Variants in POU2F3 observed in about 807,000 individuals in gnomAD.
POU2F3 encodes POU class 2 homeobox 3.
In POU2F3, 23 loss-of-function variants were observed where a neutral mutation model predicts 59.2. The ratio of observed to expected loss-of-function variants is 0.39; its 90% CI spans 0.28 to 0.55. The LOEUF (loss-of-function observed/expected upper bound fraction) is 0.55, where lower values mean the gene tolerates loss of function less well. POU2F3 is among the 20% of genes least tolerant of loss of function. The probability of loss-of-function intolerance (pLI) is 0.66; values close to 1 mark genes in which losing one functional copy is unlikely to be tolerated. For missense variants in POU2F3, 473 were observed against 544.5 expected (o/e 0.87, Z 1.31); for synonymous variants, 190 against 214.6 (o/e 0.89, Z 1.00).
intron 10 of POU2F3, among the ~76,000 whole-genome samples, chr11:120,310,984 TA>T (rs1352564751): frequency 6.6e-6 from 1 of 152,084 alleles, no homozygotes; most frequent in Non-Finnish European, 1.5e-5. Flanking sequence ...CCCGAGGAGA[TA>T]ATTAATACCT....
chr11:120,315,302 G>C, intron 10 of POU2F3, 59 bp from the exon 11 acceptor site: 1 of 1,469,908 alleles, frequency 6.8e-7, no homozygotes, highest in Non-Finnish European at 9.5e-7. Flanking sequence ...TTTGGAGAGT[G>C]ATCTGAAGTT....
At chr11:120,255,415 A>T in intron 2 of POU2F3, among the ~76,000 whole-genome samples, 1 of 151,980 alleles carries the variant, frequency 6.6e-6, no homozygotes, top group Non-Finnish European at 1.5e-5. Context: ...TGCTATGACG[A>T]TGGGGTCTCG....
At chr11:120,291,885 T>C (rs1421905772) in intron 3 of POU2F3, among the ~76,000 whole-genome samples, 1 of 151,894 alleles carries the variant, frequency 6.6e-6, no homozygotes, top group Admixed American at 6.6e-5. Context: ...CTTGGCTTAC[T>C]GCAAGCTCCA....
intron 3 of POU2F3, among the ~76,000 whole-genome samples, chr11:120,273,639 G>A (rs1940174335): frequency 6.6e-6 from 1 of 152,142 alleles, no homozygotes; most frequent in Non-Finnish European, 1.5e-5. Flanking sequence ...GGGAAGGGAG[G>A]ATGAGTGATG....
intron 2 of POU2F3, among the ~76,000 whole-genome samples, chr11:120,254,467 G>C (rs1041431662): frequency 2.6e-5 from 4 of 152,120 alleles, no homozygotes; most frequent in Admixed American, 2.6e-4. Context: ...GTTGGAGTTT[G>C]GGGCCAGCAT....
At chr11:120,275,797 T>G (rs1351318145) in intron 3 of POU2F3, among the ~76,000 whole-genome samples, 1 of 152,224 alleles carries the variant, frequency 6.6e-6, no homozygotes, top group African/African-American at 2.4e-5. Flanking sequence ...TGCCTGTTTC[T>G]GGACACCTGC....
chr11:120,297,961 A>G (rs1193824375), intron 3 of POU2F3, among the ~76,000 whole-genome samples: 4 of 129,154 alleles, frequency 3.1e-5, no homozygotes, highest in Non-Finnish European at 4.9e-5. Flanking sequence ...TTTTTGGTTT[A>G]GAGACGAAGT....
At chr11:120,252,915 G>C (rs2135145821) in intron 2 of POU2F3, among the ~76,000 whole-genome samples, 1 of 152,142 alleles carries the variant, frequency 6.6e-6, no homozygotes, top group Non-Finnish European at 1.5e-5. Context: ...GACCCCAGTT[G>C]CCACCTTTGC....
chr11:120,246,671 G>A (rs1938890731), intron 2 of POU2F3, among the ~76,000 whole-genome samples, 154 bp downstream of exon 2: 1 of 152,208 alleles, frequency 6.6e-6, no homozygotes. Context: ...GAGGACATGG[G>A]ATATGATTCT....
In POU2F3 at chr11:120,312,792, T is replaced by C. The variant is rs528369419; in HGVS notation, c.1069-2569T>C. On this transcript the variant is annotated intron_variant, in intron 10 of 12. Transcript: ENST00000543440. ...GAAGAGGTACGATATTTGAGGTGCC[T>C]AACCTAGTCCAGGGTATCAGGAGCT... Among the ~76,000 whole-genome samples the C allele has an allele frequency of 9.7e-4, 148 of 152,310 alleles. 1 individual carries two copies. The South Asian group carries it at 0.018, about 19-fold the overall frequency.
chr11:120,246,921 T>C (rs1434042661), intron 2 of POU2F3, among the ~76,000 whole-genome samples: 1 of 152,164 alleles, frequency 6.6e-6, no homozygotes, highest in African/African-American at 2.4e-5. Flanking sequence ...TGTGTACAAA[T>C]GTTTCTCTTC....
At chr11:120,313,929 G>A (rs183655341) in intron 10 of POU2F3, among the ~76,000 whole-genome samples, 55 of 152,252 alleles carry the variant, frequency 3.6e-4, no homozygotes, top group Non-Finnish European at 6.5e-4. Flanking sequence ...CAAAAGAATC[G>A]CTTGAACCCA....
intron 2 of POU2F3, chr11:120,250,369 A>G (rs1482721819): frequency 6.6e-6 from 1 of 152,214 alleles, no homozygotes; most frequent in African/African-American, 2.4e-5. Context: ...CCCTGTCCTC[A>G]AGGAGTTGTC....
intron 1 of POU2F3, among the ~76,000 whole-genome samples, chr11:120,242,542 G>T: frequency 6.6e-6 from 1 of 152,122 alleles, no homozygotes. Flanking sequence ...TGAATTCCCA[G>T]GGCTGGGTCC....
chr11:120,269,820 T>A (rs1050109306), intron 3 of POU2F3, among the ~76,000 whole-genome samples: 1 of 151,674 alleles, frequency 6.6e-6, no homozygotes, highest in Non-Finnish European at 1.5e-5. Context: ...CAGAAGAAGG[T>A]GGTGTTGGAA....
intron 3 of POU2F3, among the ~76,000 whole-genome samples, chr11:120,290,827 C>T (rs1389964941): frequency 2.0e-5 from 3 of 152,218 alleles, no homozygotes; most frequent in Non-Finnish European, 4.4e-5. Context: ...TGTATGGGCA[C>T]GCGCGTGCAC....
At position 120,262,983 on chromosome 11, in the gene POU2F3, ATTTATTTAT is replaced by A. The variant is rs1470627165; in HGVS notation, c.98-6224_98-6216del. Among the ~76,000 whole-genome samples the A allele has an allele frequency of 2.4e-3, 248 of 104,626 alleles. No individual in the cohort carries two copies. In the Middle Eastern group the frequency reaches 0.038, roughly 16 times the overall value. 68.6% of individuals were successfully genotyped at this position (104,626 alleles called of 152,430 possible). ...ATTTAATTTATTTATTTATTTATTT[ATTTATTTAT>A]TTATTATTATTTATTTTGAGATGGA... On this transcript the variant is annotated intron_variant, in intron 2 of 12. Transcript: ENST00000543440.
chr11:120,251,829 C>A (rs1481523958), intron 2 of POU2F3, among the ~76,000 whole-genome samples: 2 of 130,834 alleles, frequency 1.5e-5, no homozygotes, highest in Non-Finnish European at 3.1e-5. Flanking sequence ...GAGTCTTGCT[C>A]TGTCGCCCAG....
At chr11:120,245,298 G>A (rs956608092) in intron 1 of POU2F3, among the ~76,000 whole-genome samples, 3 of 152,112 alleles carry the variant, frequency 2.0e-5, no homozygotes, top group African/African-American at 7.2e-5. Context: ...TGGGGCACAG[G>A]TCTACCCTTT....
Sources: allele counts gnomAD v4.1 joint callset (sites outside exome capture counted in the v4.1 genomes callset), GRCh38; gene constraint gnomAD v4.1.1; transcripts MANE v1.5; gene names NCBI Gene and HGNC (gene_info 2026-07-23, HGNC 2026-07-21).